STARD13: variants seen among roughly 807,000 people sequenced by gnomAD.
STARD13 encodes StAR related lipid transfer domain containing 13.
Under a neutral mutation model 106.4 loss-of-function variants are expected in STARD13, and 62 were observed. The observed-to-expected ratio is 0.58, with a 90% CI of 0.48 to 0.72. The LOEUF is 0.72. STARD13 is among the 30% of genes least tolerant of loss of function. The pLI is 0.00. For missense variants in STARD13, 1,387 were observed against 1,424.0 expected (o/e 0.97, Z 0.42); for synonymous variants, 565 against 553.0 (o/e 1.02, Z -0.31).
At chr13:33,625,293 C>T in the STARD13 span, among the ~76,000 whole-genome samples, 2 of 152,052 alleles carry the variant, frequency 1.3e-5, no homozygotes, top group African/African-American at 2.4e-5. Flanking sequence ...TAGTCAAGTC[C>T]GGGTGTGGTG....
chr13:33,300,865 A>G (rs1892682811), intron 1 of STARD13, among the ~76,000 whole-genome samples: 1 of 152,114 alleles, frequency 6.6e-6, no homozygotes, highest in Admixed American at 6.6e-5. Context: ...TGGTCTCTGT[A>G]TTCTAGGGAC....
the STARD13 span, among the ~76,000 whole-genome samples, chr13:33,382,705 T>C: frequency 6.6e-6 from 1 of 152,162 alleles, no homozygotes; most frequent in African/African-American, 2.4e-5. Context: ...TACAGAAAAA[T>C]GCGATTCCAT....
the STARD13 span, among the ~76,000 whole-genome samples, chr13:33,464,006 C>T: frequency 8.5e-5 from 9 of 106,328 alleles, no homozygotes; most frequent in Non-Finnish European, 2.0e-4. Context: ...AACAAGACTC[C>T]GTCTCAAAAA....
At chr13:33,185,146 GT>G (rs1284427735) in intron 1 of STARD13, among the ~76,000 whole-genome samples, 1 of 152,080 alleles carries the variant, frequency 6.6e-6, no homozygotes, top group Admixed American at 6.5e-5. Context: ...AAAATGTGGG[GT>G]TCAGGTAAAT....
the STARD13 span, among the ~76,000 whole-genome samples, chr13:33,528,161 AGC>A: frequency 7.2e-6 from 1 of 138,382 alleles, no homozygotes; most frequent in African/African-American, 2.9e-5. Context: ...TCCCCAGCTA[AGC>A]TAATATTATA....
chr13:33,143,625 C>T (rs1373881962), intron 3 of STARD13, among the ~76,000 whole-genome samples: 1 of 152,208 alleles, frequency 6.6e-6, no homozygotes, highest in Non-Finnish European at 1.5e-5. Context: ...CAATCTCCGG[C>T]TCACTGCAAA....
the STARD13 span, among the ~76,000 whole-genome samples, chr13:33,385,988 C>G: frequency 6.6e-6 from 1 of 151,848 alleles, no homozygotes; most frequent in African/African-American, 2.4e-5. Flanking sequence ...TCCTTGCTTG[C>G]GTTTATTCAT....
chr13:33,527,377 G>A, the STARD13 span, among the ~76,000 whole-genome samples: 10 of 151,992 alleles, frequency 6.6e-5, no homozygotes, highest in East Asian at 1.4e-3. Flanking sequence ...CTATGAATAG[G>A]TAATAGTCTA....
the STARD13 span, among the ~76,000 whole-genome samples, chr13:33,644,182 C>T: frequency 6.6e-6 from 1 of 152,236 alleles, no homozygotes; most frequent in South Asian, 2.1e-4. Context: ...GGGTTGAAAG[C>T]ATGGGCTCCA....
At chr13:33,325,577 C>T (rs2077764198) in intron 1 of STARD13, among the ~76,000 whole-genome samples, 1 of 152,076 alleles carries the variant, frequency 6.6e-6, no homozygotes, top group Non-Finnish European at 1.5e-5. Flanking sequence ...CCAAATGTTA[C>T]ACTCCAAAGG....
the STARD13 span, among the ~76,000 whole-genome samples, chr13:33,668,140 G>T: frequency 6.6e-6 from 1 of 152,134 alleles, no homozygotes; most frequent in South Asian, 2.1e-4. Flanking sequence ...CCCAATTCGG[G>T]GATCATTCAT....
chr13:33,156,727 C>T (rs1191689624), intron 3 of STARD13, among the ~76,000 whole-genome samples: 1 of 152,138 alleles, frequency 6.6e-6, no homozygotes, highest in Non-Finnish European at 1.5e-5. Flanking sequence ...GCCTATCTTA[C>T]AGTGTTACCA....
intron 1 of STARD13, among the ~76,000 whole-genome samples, chr13:33,312,682 G>T (rs909438402): frequency 6.6e-6 from 1 of 152,130 alleles, no homozygotes; most frequent in African/African-American, 2.4e-5. Flanking sequence ...TGTAGATGGT[G>T]GTGGTAATTT....
At chr13:33,499,604 T>TTCTTCCTCC in the STARD13 span, among the ~76,000 whole-genome samples, 2 of 39,904 alleles carry the variant, frequency 5.0e-5, no homozygotes, top group Non-Finnish European at 9.9e-5. Context: ...CTTCTTCTTC[T>TTCTTCCTCC]TTCTTCTTCT....
chr13:33,168,452 C>G (rs780053536), intron 1 of STARD13, among the ~76,000 whole-genome samples: 3 of 152,114 alleles, frequency 2.0e-5, no homozygotes, highest in Non-Finnish European at 4.4e-5. Context: ...AACCAGGTCA[C>G]TTTTTGACCT....
intron 1 of STARD13, among the ~76,000 whole-genome samples, chr13:33,298,817 G>A (rs972331455): frequency 1.1e-4 from 17 of 152,082 alleles, no homozygotes; most frequent in Non-Finnish European, 2.4e-4. Flanking sequence ...GATTGAATGG[G>A]CATGGCAAGA....
At chr13:33,428,178 A>G in the STARD13 span, among the ~76,000 whole-genome samples, 1 of 152,208 alleles carries the variant, frequency 6.6e-6, no homozygotes, top group African/African-American at 2.4e-5. Context: ...AAAATGACTT[A>G]ATATGGATTA....
chr13:33,161,888 C>A (rs1202992906), intron 3 of STARD13, among the ~76,000 whole-genome samples: 3 of 152,078 alleles, frequency 2.0e-5, no homozygotes, highest in East Asian at 3.9e-4. Flanking sequence ...GAGGAAGATG[C>A]AAAAGCGGAA....
At chr13:33,599,620 GC>G in the STARD13 span, among the ~76,000 whole-genome samples, 1 of 152,064 alleles carries the variant, frequency 6.6e-6, no homozygotes, top group Non-Finnish European at 1.5e-5. Context: ...CCACAAGAAG[GC>G]CTTTTTAAGG....
Sources: allele counts gnomAD v4.1 joint callset (sites outside exome capture counted in the v4.1 genomes callset), GRCh38; gene constraint gnomAD v4.1.1; transcripts MANE v1.5; gene names NCBI Gene and HGNC (gene_info 2026-07-23, HGNC 2026-07-21).